The following AKR1C4 variants were observed in gnomAD, a reference collection of about 807,000 sequenced individuals.
The protein encoded by AKR1C4 is 3-alpha-HSD1.
A neutral mutation model predicts 41.0 loss-of-function variants in AKR1C4; 44 were observed. The ratio of observed to expected loss-of-function variants is 1.07; its 90% CI spans 0.84 to 1.38. The LOEUF (loss-of-function observed/expected upper bound fraction) is 1.38. Among genes scored for constraint, AKR1C4 ranks in the 40% most tolerant of loss-of-function variants. The pLI is 0.00. For synonymous variants in AKR1C4, 165 were observed against 137.7 expected, an observed-to-expected ratio of 1.20 and a Z score of -1.39; for missense variants, 438 against 387.9, an observed-to-expected ratio of 1.13 and a Z score of -1.09.
chr10:5,197,424 C>T (rs118039322), intron 1 of AKR1C4, among the ~76,000 whole-genome samples: 22 of 152,294 alleles, frequency 1.4e-4, no homozygotes, highest in Non-Finnish European at 2.6e-4. Context: ...TGAGCTGCCG[C>T]GTGGTCTTGA....
chr10:5,201,251 T>G (rs1174802536), intron 2 of AKR1C4, among the ~76,000 whole-genome samples: 1 of 152,174 alleles, frequency 6.6e-6, no homozygotes, highest in Non-Finnish European at 1.5e-5. Flanking sequence ...CTCTTTTTAC[T>G]ACATTCATGC....
Position 5,212,998 on chromosome 10 carries a change from G to T in AKR1C4, c.685G>T (p.Asp229Tyr). Residue 229 changes from aspartate (D) to tyrosine (Y), a missense_variant, in exon 7 of 9, where the codon GAC becomes TAC. Asp to Tyr is a radical substitution (Grantham distance 160). Coordinates refer to ENST00000263126, the MANE Select transcript of AKR1C4 (RefSeq NM_001818.5). ...CATTTCTGGCTTTCCTTCCAGGGTG[G>T]ACCCAAACTCCCCAGTTCTTTTGGA... is the stretch of plus-strand genomic sequence containing the variant. ...LGTQRHKLWV[D>Y]PNSPVLLEDP... 1 of 1,613,922 alleles carries T rather than the reference G, an allele frequency of 6.2e-7. No individual in the cohort carries two copies. The highest frequency in any genetic ancestry group is 1.1e-5 in the South Asian group (1 of 91,058).
Position 5,218,717 on chromosome 10 carries a change from G to T in AKR1C4, c.930-1G>T. 6.3e-7 allele frequency: 1 copy of T among 1,595,244 alleles called. No homozygotes were observed. The highest frequency in any genetic ancestry group is 8.6e-7 in the Non-Finnish European group (1 of 1,162,930). On this transcript the variant is annotated splice_acceptor_variant, in intron 8 of 8. Coordinates refer to ENST00000263126, the MANE Select transcript of AKR1C4 (RefSeq NM_001818.5). LOFTEE classifies it high-confidence loss of function. ...TTATGTACTATCCTTTCTCTTTTCA[G>T]TCTTATGGACCATCCTGATTATCCA...
intron 1 of AKR1C4, among the ~76,000 whole-genome samples, chr10:5,198,450 T>C (rs938629472): frequency 6.6e-6 from 1 of 152,206 alleles, no homozygotes; most frequent in Non-Finnish European, 1.5e-5. Context: ...GTATACCTGC[T>C]TTCTTTACAA....
At chr10:5,204,692 A>C in intron 3 of AKR1C4, 199 bp downstream of exon 3, 1 of 731,984 alleles carries the variant, frequency 1.4e-6, no homozygotes, top group Non-Finnish European at 2.5e-6. Context: ...CAGTACATCA[A>C]CCTCAAAGCC....
chr10:5,218,674 G>GAGTCATTTCATCCATATTTATGTACTATC (rs1554798830), intron 8 of AKR1C4, 44 bp from the exon 9 acceptor site: 1 of 1,489,532 alleles, frequency 6.7e-7, no homozygotes, highest in Non-Finnish European at 9.4e-7. Context: ...CTTTTTAATA[G>GAGTCATTTCATCCATATTTATGTACTATC]AGTCATTTCA....
chr10:5,213,878 T>C (rs1554798210), intron 7 of AKR1C4, among the ~76,000 whole-genome samples: 1 of 152,146 alleles, frequency 6.6e-6, no homozygotes, highest in African/African-American at 2.4e-5. Context: ...TCCCAAAATG[T>C]ACCCGTATTT....
At chr10:5,210,358 T>C (rs1832553701) in intron 5 of AKR1C4, among the ~76,000 whole-genome samples, 1 of 152,176 alleles carries the variant, frequency 6.6e-6, no homozygotes, top group South Asian at 2.1e-4. Context: ...CTGCAGCTTT[T>C]CCAGGTGCAC....
At position 5,206,417 on chromosome 10, in the gene AKR1C4, T is replaced by C. The variant is rs1554797497; in HGVS notation, c.570+20T>C. Reference sequence around the variant, plus strand: ...AACCAGGTGAGCACCCTCAGCCTCCTCTCCTTTCTCTTCTCAATGTCCATC... The same window carrying C: ...AACCAGGTGAGCACCCTCAGCCTCCCCTCCTTTCTCTTCTCAATGTCCATC... On this transcript the variant is annotated intron_variant, in intron 5 of 8. Transcript: ENST00000263126. The C allele has an allele frequency of 6.2e-7, 1 of 1,613,874 alleles. No individual in the cohort carries two copies. Among genetic ancestry groups the C allele is most frequent in the South Asian group, 1.1e-5 (1 of 91,046 alleles).
At chr10:5,217,677 T>C (rs1554798665) in intron 8 of AKR1C4, among the ~76,000 whole-genome samples, 1 of 152,192 alleles carries the variant, frequency 6.6e-6, no homozygotes, top group African/African-American at 2.4e-5. Flanking sequence ...GGAGAATCCC[T>C]TGAACCCGGG....
At chr10:5,210,626 G>A (rs1312393750) in intron 5 of AKR1C4, among the ~76,000 whole-genome samples, 1 of 148,034 alleles carries the variant, frequency 6.8e-6, no homozygotes, top group Non-Finnish European at 1.5e-5. Flanking sequence ...TTTTTTTTGA[G>A]ATGGAGTCTC....
At chr10:5,211,393 C>T (rs1249135960) in intron 5 of AKR1C4, among the ~76,000 whole-genome samples, 1 of 152,166 alleles carries the variant, frequency 6.6e-6, no homozygotes, top group Admixed American at 6.5e-5. Flanking sequence ...TGCTTGAATG[C>T]TTTGCTTAGA....
In AKR1C4 at chr10:5,202,493, A is replaced by AT. The variant is rs200255773; in HGVS notation, c.253-1876dup. The AT allele has an allele frequency of 4.7e-3, 2,110 of 451,524 alleles. 9 individuals are homozygous for AT. The highest frequency in any genetic ancestry group is 8.3e-3 in the African/African-American group (414 of 49,880). The allele number at this position is 451,524 out of a possible 1,614,324, so 28.0% of individuals were successfully genotyped here. A position where few individuals can be genotyped will look rare whatever the true frequency, so the allele number is the denominator to read the frequency against. On this transcript the variant is annotated intron_variant, in intron 2 of 8. Coordinates refer to ENST00000263126, the MANE Select transcript of AKR1C4 (RefSeq NM_001818.5). ...TCCTTTTCCAATTTGGATTCCCTTTATTTTTTTTACCTTGCCTGATTACTC... is the reference window on the plus strand; with the variant it reads ...TCCTTTTCCAATTTGGATTCCCTTTATTTTTTTTTACCTTGCCTGATTACTC...
intron 7 of AKR1C4, 34 bp from the exon 8 acceptor site, chr10:5,216,677 A>G (rs1554798535): frequency 6.6e-6 from 10 of 1,523,830 alleles, no homozygotes; most frequent in East Asian, 4.5e-5. Context: ...CAATTATGCA[A>G]TCTAAGAATA....
At position 5,210,004 on chromosome 10, in the gene AKR1C4, A is replaced by C. The variant is rs1367777880; in HGVS notation, c.571-2612A>C. Among the ~76,000 whole-genome samples, 3 of 152,204 alleles carry C rather than the reference A, an allele frequency of 2.0e-5. No homozygotes were observed. The East Asian group carries it at 5.8e-4, about 29-fold the overall frequency. On this transcript the variant is annotated intron_variant, in intron 5 of 8. Transcript: ENST00000263126. ...CCAAAGTCTCATCTGAGACAAGGCA[A>C]GTCCCTTCCACCTATAAGCCTGTAA...
rs556289607 is a variant in AKR1C4, at chr10:5,209,128, A to G, written c.570+2731A>G. On this transcript the variant is annotated intron_variant, in intron 5 of 8. Coordinates refer to ENST00000263126, the MANE Select transcript of AKR1C4 (RefSeq NM_001818.5). Reference sequence around the variant, plus strand: ...GCATGAAATGACAGATTGTCCCACAATTAGTGATGCTAATTTTGATCACTT... The same window carrying G: ...GCATGAAATGACAGATTGTCCCACAGTTAGTGATGCTAATTTTGATCACTT... Among the ~76,000 whole-genome samples the G allele has an allele frequency of 3.3e-5, 5 of 152,362 alleles. No individual in the cohort carries two copies. The South Asian group carries it at 1.0e-3, about 32-fold the overall frequency.
intron 2 of AKR1C4, among the ~76,000 whole-genome samples, chr10:5,203,221 G>A (rs947128206): frequency 6.6e-6 from 1 of 151,972 alleles, no homozygotes; most frequent in African/African-American, 2.4e-5. Context: ...TTTCCCCCGG[G>A]GTTCTGGCCA....
chr10:5,218,544 A>G (rs529184981), intron 8 of AKR1C4, among the ~76,000 whole-genome samples, 174 bp from the exon 9 acceptor site: 231 of 3,284 alleles, frequency 0.07, 1 homozygote, highest in African/African-American at 0.22. Context: ...CTTATTTTGA[A>G]AAAAAAAAAA....
Position 5,208,694 on chromosome 10 carries a change from A to G in AKR1C4, c.570+2297A>G, listed in dbSNP as rs1283623989. On this transcript the variant is annotated intron_variant, in intron 5 of 8. Coordinates refer to ENST00000263126, the MANE Select transcript of AKR1C4 (RefSeq NM_001818.5). The stretch of plus-strand genomic sequence containing the variant: ...GAAATAACAATAATGCCCTCATATC[A>G]TTGATTATCCAGTCAGTATTCATAT... 4.0e-5 allele frequency among the ~76,000 whole-genome samples: 6 copies of G among 151,484 alleles called. 1 individual carries two copies. Among genetic ancestry groups the G allele is most frequent in the Admixed American group, 2.0e-4 (3 of 15,270 alleles).
Sources: gnomAD v4.1 joint callset for allele counts (sites outside exome capture counted in the v4.1 genomes callset) on GRCh38, gnomAD v4.1.1 for gene constraint, MANE v1.5 for transcripts, NCBI Gene and HGNC (gene_info 2026-07-23, HGNC 2026-07-21) for gene names.